Variants in HDLBP observed in about 807,000 individuals in gnomAD.
HDLBP encodes the protein high density lipoprotein binding protein.
Under a neutral mutation model 137.3 loss-of-function variants are expected in HDLBP, and 30 were observed. The ratio of observed to expected loss-of-function variants is 0.22; its 90% confidence interval spans 0.16 to 0.30. The LOEUF is 0.30. Ranked by LOEUF, HDLBP falls within the 10% of genes least tolerant of loss-of-function variation. HDLBP has a pLI of 1.00. For synonymous variants in HDLBP, 606 were observed against 596.0 expected (o/e 1.02, Z -0.24); for missense variants, 1,119 against 1,667.3 (o/e 0.67, Z 5.73).
chr2:241,245,121 T>C (rs1321700447), intron 16 of HDLBP, among the ~76,000 whole-genome samples: 1 of 152,008 alleles, frequency 6.6e-6, no homozygotes, highest in Admixed American at 6.5e-5. Context: ...GTAATAAATA[T>C]AAATATGTGA....
chr2:241,282,580 G>A (rs1245619293), intron 1 of HDLBP, among the ~76,000 whole-genome samples: 2 of 152,144 alleles, frequency 1.3e-5, no homozygotes, highest in South Asian at 2.1e-4. Flanking sequence ...TGAAGGTTTT[G>A]GCAACTCTGC....
At position 241,307,852 on chromosome 2, in the gene HDLBP, T is replaced by C. The variant is rs2075631035; in HGVS notation, c.-103+7718A>G. Among the ~76,000 whole-genome samples the C allele has an allele frequency of 3.3e-5, 5 of 151,902 alleles. No homozygotes were observed. In the South Asian group the frequency reaches 1.0e-3, roughly 32 times the overall value. On this transcript the variant is annotated intron_variant, in intron 1 of 27. Coordinates refer to ENST00000310931, the MANE Select transcript of HDLBP (RefSeq NM_005336.6). ...AGTAAACATACCTTAATAAATCCCC[T>C]ACTGATAGGACCCTTGAACTAATTT...
chr2:241,291,739 T>G (rs2075019070), intron 1 of HDLBP, among the ~76,000 whole-genome samples: 1 of 152,202 alleles, frequency 6.6e-6, no homozygotes, highest in Non-Finnish European at 1.5e-5. Flanking sequence ...TTTGGATATG[T>G]TACAGATGAA....
intron 2 of HDLBP, chr2:241,267,967 T>A (rs1308676751): frequency 1.0e-6 from 1 of 983,944 alleles, no homozygotes; most frequent in Admixed American, 6.2e-5. Flanking sequence ...CATTCTGAGG[T>A]AGGAATGTTA....
At chr2:241,259,496 AACTCATGATTTTCCTTTTCTGGG>A (rs1237929035) in intron 5 of HDLBP, among the ~76,000 whole-genome samples, 1 of 150,320 alleles carries the variant, frequency 6.7e-6, no homozygotes, top group Non-Finnish European at 1.5e-5. Context: ...AGTGATTTTG[AACTCATGATTTTCCTTTTCTGGG>A]ACTCTGTCAC....
chr2:241,313,559 G>C (rs562140544), intron 1 of HDLBP, among the ~76,000 whole-genome samples: 2 of 152,158 alleles, frequency 1.3e-5, no homozygotes, highest in African/African-American at 4.8e-5. Flanking sequence ...GATTACAAGC[G>C]TGAGCCACTG....
chr2:241,262,692 T>G lies in HDLBP; in HGVS notation c.450+19A>C. The G allele has an allele frequency of 6.3e-7, 1 of 1,582,402 alleles. No homozygotes were observed. The highest frequency in any genetic ancestry group is 8.7e-7 in the Non-Finnish European group (1 of 1,152,292). On this transcript the variant is annotated intron_variant, in intron 5 of 27. Transcript: ENST00000310931. The stretch of plus-strand genomic sequence containing the variant: ...CGGGTACACAGTCACTGGGGAGAAG[T>G]AGGCCTCAGGCTACCCACCTGAGTC...
intron 1 of HDLBP, among the ~76,000 whole-genome samples, chr2:241,286,033 G>C (rs1296684145): frequency 6.6e-6 from 1 of 152,096 alleles, no homozygotes; most frequent in Non-Finnish European, 1.5e-5. Context: ...AAAAGAAAAA[G>C]TCAAATGGAG....
At chr2:241,306,987 ACG>A (rs765435536) in intron 1 of HDLBP, among the ~76,000 whole-genome samples, 1 of 127,470 alleles carries the variant, frequency 7.8e-6, no homozygotes. Context: ...AAAAAAAAAA[ACG>A]AGGAAAAGCC....
chr2:241,236,792 A>G (rs768015223), intron 20 of HDLBP, 23 bp from the exon 21 acceptor site: 5 of 1,610,722 alleles, frequency 3.1e-6, no homozygotes, highest in Admixed American at 3.4e-5. Flanking sequence ...GGGAAAAGGG[A>G]CAGCTGACAG....
In HDLBP at chr2:241,293,454, C is replaced by T. The variant is rs549605559; in HGVS notation, c.-103+22116G>A. 1.8e-3 allele frequency among the ~76,000 whole-genome samples: 275 copies of T among 152,096 alleles called. 1 individual carries two copies. The highest frequency in any genetic ancestry group is 2.3e-3 in the Non-Finnish European group (158 of 67,968). On this transcript the variant is annotated intron_variant, in intron 1 of 27. Transcript: ENST00000310931. ...GGTTACAGTGAGTGAGTTATAATCA[C>T]GCTACTGCACTCCCAGCCTGGGTGG...
intron 17 of HDLBP, 63 bp downstream of exon 17, chr2:241,242,397 G>C (rs2071329768): frequency 1.4e-6 from 2 of 1,391,174 alleles, no homozygotes; most frequent in Non-Finnish European, 2.0e-6. Context: ...ACAGTGAGAA[G>C]CGAGAACACT....
chr2:241,252,900 C>T (rs1574925402), intron 11 of HDLBP, 57 bp downstream of exon 11: 2 of 1,183,388 alleles, frequency 1.7e-6, no homozygotes, highest in Middle Eastern at 1.9e-4. Flanking sequence ...ACAGCTGACA[C>T]CCCCCACAAG....
rs942973137 is a variant in HDLBP at position 241,266,615 on chromosome 2, T to C, written c.76+179A>G. 9 of 582,374 alleles carry C rather than the reference T, an allele frequency of 1.5e-5. No homozygotes were observed. The Admixed American group carries it at 3.0e-4, about 19-fold the overall frequency. 36.1% of individuals were successfully genotyped at this position (582,374 alleles called of 1,614,324 possible). On this transcript the variant is annotated intron_variant, in intron 3 of 27. Coordinates refer to ENST00000310931, the MANE Select transcript of HDLBP (RefSeq NM_005336.6). Reference sequence around the variant, plus strand: ...TGTACTTGATTCATTTCCTCATGCCTGGCCAGTCGCCCCTGCACGCACAGC... The same window carrying C: ...TGTACTTGATTCATTTCCTCATGCCCGGCCAGTCGCCCCTGCACGCACAGC...
In HDLBP at chr2:241,239,348, T is replaced by C. The variant is rs567279461; in HGVS notation, c.2610+254A>G. ...TCTTGCTTTCTTTCCTCTCTCTCTC[T>C]CCCCTCTCCTCTTCTCCTTCTCTCT... On this transcript the variant is annotated intron_variant, in intron 19 of 27. Transcript: ENST00000310931. This position sits in a 1 kb window ranked among gnomAD's most constrained non-coding sequence, Gnocchi z 4.6. Among the ~76,000 whole-genome samples the C allele has an allele frequency of 2.0e-4, 30 of 152,102 alleles. No individual in the cohort carries two copies. Among genetic ancestry groups the C allele is most frequent in the South Asian group, 1.0e-3 (5 of 4,814 alleles).
Position 241,247,145 on chromosome 2 carries a change from T to C in HDLBP, c.1732-3A>G. 6.3e-7 allele frequency: 1 copy of C among 1,598,528 alleles called. No individual in the cohort carries two copies. Among genetic ancestry groups the C allele is most frequent in the South Asian group, 1.1e-5 (1 of 90,758 alleles). On this transcript the variant is annotated splice_region_variant and splice_polypyrimidine_tract_variant and intron_variant, in intron 14 of 27. Transcript: ENST00000310931. The stretch of plus-strand genomic sequence containing the variant: ...GAAATTGAATAGCTATTTTCCACCT[T>C]AAAGACAAAAAACACAGCCCGATTC...
intron 2 of HDLBP, 79 bp downstream of exon 2, chr2:241,268,398 T>C: frequency 1.1e-6 from 1 of 903,668 alleles, no homozygotes; most frequent in Non-Finnish European, 1.3e-6. Context: ...CACACAGGAC[T>C]AAGAAAATAC....
At position 241,230,111 on chromosome 2, in the gene HDLBP, G is replaced by A. The variant is rs760969564; in HGVS notation, c.3591+42C>T. The A allele has an allele frequency of 7.6e-6, 12 of 1,588,620 alleles. No homozygotes were observed. Among genetic ancestry groups the A allele is most frequent in the South Asian group, 3.3e-5 (3 of 90,546 alleles). ...CTGGCTGGGCCTCAGGCCGGTGGAC[G>A]TGCCAGGGCGCCTCAGGGCTCCAAG... On this transcript the variant is annotated intron_variant, in intron 26 of 27. Transcript: ENST00000310931. The surrounding 1 kb of genome is among the most constrained non-coding windows in gnomAD (Gnocchi z 5.0).
Position 241,230,868 on chromosome 2 carries a change from C to T in HDLBP, c.3365G>A (p.Gly1122Asp). ...AARDAILRIV[G>D]ELEQMVSEDV... The stretch of plus-strand genomic sequence containing the variant: ...CTCAGAAACCATCTGCTCAAGTTCA[C>T]CCACAATTCTCAGTATAGCATCCCT... The change falls in exon 25 of 28, where the codon GGT becomes GAT. Residue 1122 changes from glycine (G) to aspartate (D), a missense_variant. By Grantham distance (94) the Gly-to-Asp change is moderately conservative. This residue lies in a region of HDLBP where 618 missense variants were observed against 816.7 expected (regional missense o/e 0.76). Transcript: ENST00000310931. The surrounding 1 kb of genome is among the most constrained non-coding windows in gnomAD (Gnocchi z 5.0). 1 of 1,614,202 alleles carries T rather than the reference C, an allele frequency of 6.2e-7. No individual in the cohort carries two copies. Among genetic ancestry groups the T allele is most frequent in the Non-Finnish European group, 8.5e-7 (1 of 1,179,994 alleles).
Sources: allele counts gnomAD v4.1 joint callset (sites outside exome capture counted in the v4.1 genomes callset), GRCh38; gene constraint gnomAD v4.1.1; regional missense constraint gnomAD v4.1.1; non-coding constraint Gnocchi (gnomAD v3.1); transcripts MANE v1.5; gene names NCBI Gene and HGNC (gene_info 2026-07-23, HGNC 2026-07-21).